MADD: variants seen among roughly 807,000 people sequenced by gnomAD.
The protein encoded by MADD is MAP kinase-activating death domain protein.
A neutral mutation model predicts 176.7 loss-of-function variants in MADD; 109 were observed. The ratio of observed to expected loss-of-function variants is 0.62; its 90% CI spans 0.53 to 0.72. MADD has a LOEUF of 0.72. Ranked by LOEUF, MADD falls within the 30% of genes least tolerant of loss-of-function variation. The pLI, the probability that MADD is intolerant of heterozygous loss-of-function variation, is 0.00. For missense variants in MADD, 1,914 were observed against 2,045.5 expected (o/e 0.94, Z 1.24); for synonymous variants, 771 against 771.3 (o/e 1.00, Z 0.01).
At chr11:47,315,702 T>G (rs1356513805) in intron 27 of MADD, among the ~76,000 whole-genome samples, 1 of 152,168 alleles carries the variant, frequency 6.6e-6, no homozygotes, top group Non-Finnish European at 1.5e-5. Flanking sequence ...CTCAAACTCC[T>G]GACCTCAAGT....
At chr11:47,275,817 G>T in intron 3 of MADD, 82 bp from the exon 4 acceptor site, 1 of 1,313,364 alleles carries the variant, frequency 7.6e-7, no homozygotes, top group Non-Finnish European at 1.1e-6. Flanking sequence ...GTCATCATTA[G>T]AGCCTCTGTG....
At chr11:47,323,600 C>T (rs1215589640) in intron 27 of MADD, 71 bp from the exon 31 acceptor site, 2 of 1,532,928 alleles carry the variant, frequency 1.3e-6, no homozygotes, top group Non-Finnish European at 1.8e-6. Flanking sequence ...ACCACCTTTC[C>T]CTGTAGGAAA....
chr11:47,294,319 G>T (rs910295591), intron 20 of MADD, among the ~76,000 whole-genome samples: 1 of 149,000 alleles, frequency 6.7e-6, no homozygotes, highest in Non-Finnish European at 1.5e-5. Context: ...TTGCACTCCA[G>T]CCTGGGCAAC....
intron 22 of MADD, among the ~76,000 whole-genome samples, chr11:47,306,858 G>T (rs983793035): frequency 2.0e-5 from 3 of 151,046 alleles, no homozygotes; most frequent in African/African-American, 7.3e-5. Flanking sequence ...CCCCTAGGCT[G>T]TTTTTTTTTG....
At chr11:47,280,330 T>C (rs1312203179) in intron 7 of MADD, among the ~76,000 whole-genome samples, 1 of 152,158 alleles carries the variant, frequency 6.6e-6, no homozygotes, top group Admixed American at 6.5e-5. Flanking sequence ...TATCTCTAGA[T>C]GCTATGTTTG....
At chr11:47,327,602 C>T (rs944683088) in intron 31 of MADD, 18 of 985,262 alleles carry the variant, frequency 1.8e-5, no homozygotes, top group South Asian at 4.7e-5. Context: ...CCCTTCTCAC[C>T]GGCTCACTGG....
Position 47,302,853 on chromosome 11 carries a change from G to A in MADD, c.3643-5738G>A, listed in dbSNP as rs368778514. 2.0e-3 allele frequency among the ~76,000 whole-genome samples: 306 copies of A among 152,026 alleles called. 11 individuals are homozygous for A. In the South Asian group the frequency reaches 0.061, roughly 30 times the overall value. ...GTTTCTTCCTCTCATTTATCATTAT[G>A]GTTTGGTGGTTTTCTGTAGAGATAA... On this transcript the variant is annotated intron_variant, in intron 22 of 32. Coordinates refer to ENST00000402192, the Ensembl canonical transcript of MADD.
At chr11:47,304,972 G>C (rs985436681) in intron 22 of MADD, among the ~76,000 whole-genome samples, 2 of 152,192 alleles carry the variant, frequency 1.3e-5, no homozygotes, top group African/African-American at 4.8e-5. Context: ...CTGGATAGAT[G>C]TAGTGGTATG....
At chr11:47,272,044 A>C (rs1270999586) in intron 1 of MADD, 1 of 152,254 alleles carries the variant, frequency 6.6e-6, no homozygotes, top group Non-Finnish European at 1.5e-5. Flanking sequence ...AGGACGAAGT[A>C]CAAACTACAG....
At chr11:47,324,868 G>A (rs2095229435) in intron 30 of MADD, 17 of 612,246 alleles carry the variant, frequency 2.8e-5, no homozygotes, top group Middle Eastern at 8.3e-4. Context: ...GAGTGGGAGC[G>A]TCTCACTTGG....
chr11:47,302,171 C>T (rs2078251251), intron 22 of MADD, among the ~76,000 whole-genome samples: 1 of 151,998 alleles, frequency 6.6e-6, no homozygotes, highest in Admixed American at 6.6e-5. Flanking sequence ...ATTGTTATAT[C>T]CTCTTATTGT....
chr11:47,295,667 C>T, intron 21 of MADD, 88 bp downstream of exon 23: 5 of 1,592,868 alleles, frequency 3.1e-6, no homozygotes, highest in Non-Finnish European at 4.3e-6. Flanking sequence ...GGAGGCTGCT[C>T]TGAGTCTCAG....
At chr11:47,290,838 G>A (rs759292997) in intron 19 of MADD, 22 bp downstream of exon 20, 3 of 1,572,078 alleles carry the variant, frequency 1.9e-6, no homozygotes, top group Non-Finnish European at 2.6e-6. Flanking sequence ...TGTGTTTGGT[G>A]TGGTGGAGGG....
intron 22 of MADD, among the ~76,000 whole-genome samples, chr11:47,300,414 C>T (rs1239075062): frequency 2.0e-5 from 3 of 151,414 alleles, no homozygotes; most frequent in South Asian, 2.1e-4. Context: ...ACCATGTTGG[C>T]CAGGGTGGTC....
chr11:47,320,924 AAAT>A (rs557649529), intron 27 of MADD, among the ~76,000 whole-genome samples: 1 of 151,894 alleles, frequency 6.6e-6, no homozygotes, highest in African/African-American at 2.4e-5. Context: ...CTGTCTCAAA[AAAT>A]AATAATAATA....
intron 22 of MADD, among the ~76,000 whole-genome samples, chr11:47,300,859 G>A (rs887127452): frequency 3.3e-5 from 5 of 152,088 alleles, no homozygotes; most frequent in South Asian, 2.1e-4. Context: ...TCAGGTTTCT[G>A]TTTCTTGGTT....
chr11:47,309,571 A>C, exon 25 of MADD: 1 of 1,614,172 alleles, frequency 6.2e-7, no homozygotes, highest in Non-Finnish European at 8.5e-7. Flanking sequence ...CTTGTTGGCC[A>C]CACTTCTGCA....
In MADD at chr11:47,285,684, A is replaced by T. The variant is rs770230312; in HGVS notation, c.2551+94A>T. 118 of 1,558,360 alleles carry T rather than the reference A, an allele frequency of 7.6e-5. No individual in the cohort carries two copies. The South Asian group carries it at 1.3e-3, about 17-fold the overall frequency. ...AAATGTTGCTTAGAACTTCACATGT[A>T]GGGCTAGGTTGGCATTAGCAAGCCC... On this transcript the variant is annotated intron_variant, in intron 14 of 32. Transcript: ENST00000402192.
chr11:47,275,570 C>T (rs991542075), intron 3 of MADD, among the ~76,000 whole-genome samples: 2 of 152,324 alleles, frequency 1.3e-5, no homozygotes, highest in East Asian at 3.9e-4. Flanking sequence ...GGATTATAGG[C>T]GTGAGCATCA....
Sources: gnomAD v4.1 joint callset for allele counts (sites outside exome capture counted in the v4.1 genomes callset) on GRCh38, gnomAD v4.1.1 for gene constraint, MANE v1.5 for transcripts, NCBI Gene and HGNC (gene_info 2026-07-23, HGNC 2026-07-21) for gene names.